Variants in RIPK2 observed in about 807,000 individuals in gnomAD.
RIPK2 encodes receptor-interacting serine/threonine-protein kinase 2.
A neutral mutation model predicts 60.9 loss-of-function variants in RIPK2; 38 were observed. That is an observed-to-expected ratio of 0.62 (90% CI 0.48 to 0.82). The LOEUF (loss-of-function observed/expected upper bound fraction) is 0.82, where lower values mean the gene tolerates loss of function less well. Ranked by LOEUF, RIPK2 falls within the 40% of genes least tolerant of loss-of-function variation. The pLI is 0.00. For synonymous variants in RIPK2, 225 were observed against 223.4 expected, an observed-to-expected ratio of 1.01 and a Z score of -0.06; for missense variants, 518 against 647.0, an observed-to-expected ratio of 0.80 and a Z score of 2.16.
intron 6 of RIPK2, among the ~76,000 whole-genome samples, chr8:89,776,286 A>T (rs1303013518): frequency 6.6e-6 from 1 of 152,214 alleles, no homozygotes; most frequent in African/African-American, 2.4e-5. Context: ...TGTTGGAAAC[A>T]TGAAGAAAAG....
At position 89,790,223 on chromosome 8, in the gene RIPK2, T is replaced by G; in HGVS notation, c.1430T>G (p.Val477Gly). ...ATCATGAAAGAGGACTATGAACTTGTTAGTACCAAGCCTACAAGGACCTCA... is the reference window on the plus strand; with the variant it reads ...ATCATGAAAGAGGACTATGAACTTGGTAGTACCAAGCCTACAAGGACCTCA... ...DLIMKEDYEL[V>G]STKPTRTSKV... is the part of the protein sequence containing the mutation. The change falls in exon 11 of 11, where the codon GTT (valine) becomes GGT (glycine). Residue 477 changes from valine (V) to glycine (G), a missense_variant. Val to Gly is a moderately radical substitution (Grantham distance 109). Coordinates refer to ENST00000220751, the MANE Select transcript of RIPK2 (RefSeq NM_003821.6). The G allele has an allele frequency of 6.2e-7, 1 of 1,614,094 alleles. No individual in the cohort carries two copies. The highest frequency in any genetic ancestry group is 8.5e-7 in the Non-Finnish European group (1 of 1,179,996).
intron 8 of RIPK2, among the ~76,000 whole-genome samples, chr8:89,784,344 C>A (rs1192341424): frequency 6.6e-6 from 1 of 152,126 alleles, no homozygotes; most frequent in African/African-American, 2.4e-5. Flanking sequence ...CCCATCAAAT[C>A]ACAATTATTG....
chr8:89,759,494 G>C, intron 1 of RIPK2: 1 of 429,726 alleles, frequency 2.3e-6, no homozygotes, highest in South Asian at 1.6e-5. Context: ...CCCTGCCAAA[G>C]TTACTGGATT....
At chr8:89,783,139 C>T (rs963038712) in intron 7 of RIPK2, among the ~76,000 whole-genome samples, 1 of 152,104 alleles carries the variant, frequency 6.6e-6, no homozygotes, top group Non-Finnish European at 1.5e-5. Flanking sequence ...CATAAATGTG[C>T]ATAATGGATG....
At chr8:89,762,011 A>G (rs2130542857) in intron 1 of RIPK2, among the ~76,000 whole-genome samples, 1 of 150,478 alleles carries the variant, frequency 6.6e-6, no homozygotes, top group African/African-American at 2.5e-5. Flanking sequence ...CCTGAATAAC[A>G]TAGTGAGACC....
In RIPK2 at chr8:89,772,731, A is replaced by T; in HGVS notation, c.756A>T (p.Glu252Asp). The change falls in exon 6 of 11, where the codon GAA becomes GAT. Residue 252 changes from glutamate (E) to aspartate (D), a missense_variant. This residue lies in a region of RIPK2 where 448 missense variants were observed against 534.7 expected (regional missense o/e 0.84). Transcript: ENST00000220751. ...AAGGACATCGACCTGTTATTAATGA[A>T]GAAAGTTTGCCATATGATATACCTC... ...VSQGHRPVIN[E>D]ESLPYDIPHR... The T allele has an allele frequency of 6.2e-7, 1 of 1,612,114 alleles. No homozygotes were observed. Among genetic ancestry groups the T allele is most frequent in the Non-Finnish European group, 8.5e-7 (1 of 1,178,612 alleles).
chr8:89,758,348 C>A, intron 1 of RIPK2, 115 bp downstream of exon 1: 2 of 1,077,938 alleles, frequency 1.9e-6, no homozygotes, highest in Non-Finnish European at 2.6e-6. Flanking sequence ...CCGGCCTCAC[C>A]TCGTCACCTC....
intron 7 of RIPK2, among the ~76,000 whole-genome samples, chr8:89,783,051 C>T (rs999440396): frequency 2.6e-5 from 4 of 152,180 alleles, no homozygotes; most frequent in Non-Finnish European, 2.9e-5. Context: ...ACGCCCTGTG[C>T]TAGGTACATT....
chr8:89,768,278 G>A (rs1809260764), intron 3 of RIPK2, among the ~76,000 whole-genome samples: 1 of 149,630 alleles, frequency 6.7e-6, no homozygotes, highest in Non-Finnish European at 1.5e-5. Flanking sequence ...TGTTAGATTG[G>A]AGCAATTGCT....
chr8:89,778,836 A>G (rs951335535), intron 6 of RIPK2, among the ~76,000 whole-genome samples: 1 of 152,206 alleles, frequency 6.6e-6, no homozygotes, highest in East Asian at 1.9e-4. Flanking sequence ...TGTGAATAGA[A>G]TTGCTGGGTT....
rs201181884 is a variant in RIPK2, at chr8:89,790,201, A to G, written c.1408A>G (p.Met470Val). ...TGCCCTTCTGTCCAGGGACTTGATC[A>G]TGAAAGAGGACTATGAACTTGTTAG... ...LDALLSRDLI[M>V]KEDYELVSTK... The change falls in exon 11 of 11, where the codon ATG becomes GTG. Residue 470 changes from methionine to valine, a missense_variant. Physicochemically the swap from Met to Val is conservative, Grantham distance 21. Around this residue, in one of 3 missense-constraint regions of RIPK2, gnomAD observed 29 missense variants for 68.6 expected, o/e 0.42. Coordinates refer to ENST00000220751, the MANE Select transcript of RIPK2 (RefSeq NM_003821.6). The G allele has an allele frequency of 7.7e-5, 124 of 1,614,042 alleles. No homozygotes were observed. The highest frequency in any genetic ancestry group is 1.0e-4 in the Non-Finnish European group (119 of 1,180,016).
intron 2 of RIPK2, among the ~76,000 whole-genome samples, chr8:89,764,627 CAGAT>C (rs1402425661): frequency 6.6e-6 from 1 of 151,984 alleles, no homozygotes; most frequent in Admixed American, 6.6e-5. Context: ...TAAGAAAACT[CAGAT>C]GGATATTATT....
intron 2 of RIPK2, among the ~76,000 whole-genome samples, chr8:89,763,807 A>C (rs1452465050): frequency 6.6e-6 from 1 of 152,178 alleles, no homozygotes; most frequent in Non-Finnish European, 1.5e-5. Context: ...ACTTGTGACC[A>C]TTTGAAACAA....
chr8:89,763,678 C>T (rs962492878), intron 2 of RIPK2, among the ~76,000 whole-genome samples: 4 of 152,122 alleles, frequency 2.6e-5, no homozygotes, highest in African/African-American at 9.7e-5. Flanking sequence ...TCAATAGATA[C>T]TCATAAATGA....
At chr8:89,789,230 C>A in intron 9 of RIPK2, 91 bp from the exon 10 acceptor site, 1 of 1,077,316 alleles carries the variant, frequency 9.3e-7, no homozygotes, top group East Asian at 2.4e-5. Flanking sequence ...GACATTGGAG[C>A]CTACCTTCTG....
At chr8:89,761,408 A>AC (rs767198922) in intron 1 of RIPK2, among the ~76,000 whole-genome samples, 1 of 152,062 alleles carries the variant, frequency 6.6e-6, no homozygotes, top group Non-Finnish European at 1.5e-5. Context: ...GTCAGTCACT[A>AC]CAACGCGGGC....
intron 8 of RIPK2, 40 bp from the exon 9 acceptor site, chr8:89,786,553 T>C (rs1306780092): frequency 9.0e-7 from 1 of 1,109,648 alleles, no homozygotes; most frequent in Non-Finnish European, 1.3e-6. Flanking sequence ...AGCTCGATAA[T>C]TTTTATTAAC....
At chr8:89,779,660 T>C (rs1809465074) in intron 6 of RIPK2, among the ~76,000 whole-genome samples, 1 of 152,096 alleles carries the variant, frequency 6.6e-6, no homozygotes, top group Non-Finnish European at 1.5e-5. Context: ...TTTGATGTCA[T>C]ATCTAAGAAC....
At chr8:89,768,750 A>T (rs1463741509) in intron 3 of RIPK2, among the ~76,000 whole-genome samples, 2 of 151,736 alleles carry the variant, frequency 1.3e-5, no homozygotes, top group Admixed American at 1.3e-4. Context: ...AAATTCATTT[A>T]TTCTACCCCT....
Sources: gnomAD v4.1 joint callset for allele counts (sites outside exome capture counted in the v4.1 genomes callset) on GRCh38, gnomAD v4.1.1 for gene constraint, gnomAD v4.1.1 regional missense constraint, MANE v1.5 for transcripts, NCBI Gene and HGNC (gene_info 2026-07-23, HGNC 2026-07-21) for gene names.